PACRG: variants seen among roughly 807,000 people sequenced by gnomAD.
The protein encoded by PACRG is parkin coregulated.
PACRG carries 29 observed loss-of-function variants against 29.7 expected under a neutral mutation model. That is an observed-to-expected ratio of 0.98 (90% confidence interval 0.73 to 1.33). The LOEUF is 1.33. Ranked by LOEUF, PACRG falls within the 40% of genes most tolerant of loss-of-function variation. The pLI is 0.00. For synonymous variants in PACRG, 116 were observed against 118.7 expected, an observed-to-expected ratio of 0.98 and a Z score of 0.15; for missense variants, 279 against 316.2, an observed-to-expected ratio of 0.88 and a Z score of 0.89.
intron 4 of PACRG, among the ~76,000 whole-genome samples, chr6:163,291,764 G>A (rs1012077470): frequency 6.6e-6 from 1 of 152,232 alleles, no homozygotes; most frequent in Non-Finnish European, 1.5e-5. Flanking sequence ...CACCTTCACA[G>A]ATTTTCATAA....
chr6:163,116,389 C>T (rs73786979), intron 4 of PACRG, among the ~76,000 whole-genome samples: 3,648 of 152,204 alleles, frequency 0.024, 160 homozygotes, highest in African/African-American at 0.083. Flanking sequence ...CCAGGCCCCA[C>T]CTCCAACACT....
intron 4 of PACRG, among the ~76,000 whole-genome samples, chr6:163,296,844 G>A (rs1784795896): frequency 1.3e-5 from 2 of 152,110 alleles, no homozygotes. Flanking sequence ...ACTGATTTCT[G>A]TAAACAGCTT....
At chr6:162,763,351 A>G (rs117805554) in intron 1 of PACRG, among the ~76,000 whole-genome samples, 1,795 of 152,304 alleles carry the variant, frequency 0.012, 13 homozygotes, top group South Asian at 0.02. Flanking sequence ...CTGTCAGGTC[A>G]CCTGTCACAA....
chr6:163,163,726 G>GT (rs151011597), intron 4 of PACRG, among the ~76,000 whole-genome samples: 1,780 of 152,260 alleles, frequency 0.012, 37 homozygotes, highest in African/African-American at 0.04. Flanking sequence ...AAAGTGTTCA[G>GT]TAGCATATTA....
At chr6:162,826,466 CT>C (rs576332156) in intron 2 of PACRG, among the ~76,000 whole-genome samples, 160 of 138,608 alleles carry the variant, frequency 1.2e-3, no homozygotes, top group Non-Finnish European at 1.4e-3. Flanking sequence ...TTTCTTTTTT[CT>C]TTTTTTTTTT....
intron 4 of PACRG, among the ~76,000 whole-genome samples, chr6:163,175,174 C>A (rs538840059): frequency 6.6e-6 from 1 of 152,324 alleles, no homozygotes; most frequent in East Asian, 1.9e-4. Context: ...AAAGGGGGAA[C>A]TGGACTAGTA....
intron 4 of PACRG, among the ~76,000 whole-genome samples, chr6:163,210,113 A>G (rs1489147860): frequency 6.6e-6 from 1 of 152,312 alleles, no homozygotes; most frequent in African/African-American, 2.4e-5. Context: ...ACGCTTCCAC[A>G]TACTTTTAAA....
chr6:162,929,923 G>T (rs1255670543), intron 2 of PACRG, among the ~76,000 whole-genome samples: 1 of 151,822 alleles, frequency 6.6e-6, no homozygotes, highest in African/African-American at 2.4e-5. Flanking sequence ...TCTCTATTCT[G>T]TTTCATTGGT....
At chr6:162,799,878 A>G (rs1346079294) in intron 1 of PACRG, among the ~76,000 whole-genome samples, 2 of 152,204 alleles carry the variant, frequency 1.3e-5, no homozygotes, top group Non-Finnish European at 2.9e-5. Flanking sequence ...CAAGACACAG[A>G]AGATATATGT....
intron 4 of PACRG, among the ~76,000 whole-genome samples, chr6:163,092,411 C>G (rs185793203): frequency 3.3e-4 from 50 of 152,310 alleles, no homozygotes; most frequent in African/African-American, 1.0e-3. Flanking sequence ...GCCCCATCTA[C>G]ACGATCAGAG....
chr6:162,926,182 A>G (rs1487547554), intron 2 of PACRG, among the ~76,000 whole-genome samples: 2 of 152,182 alleles, frequency 1.3e-5, no homozygotes. Context: ...AATATATTCC[A>G]TCCTCATGGA....
At chr6:163,278,500 T>C (rs1784128042) in intron 4 of PACRG, among the ~76,000 whole-genome samples, 1 of 152,336 alleles carries the variant, frequency 6.6e-6, no homozygotes, top group East Asian at 1.9e-4. Context: ...CATCTTGAGT[T>C]GATTTTTGTA....
chr6:163,094,607 G>C (rs956716807), intron 4 of PACRG, among the ~76,000 whole-genome samples: 7 of 152,182 alleles, frequency 4.6e-5, no homozygotes, highest in Admixed American at 4.6e-4. Context: ...AAATGTTTGT[G>C]TTGGTCTTTC....
chr6:163,101,424 A>G, intron 4 of PACRG: 3 of 950,754 alleles, frequency 3.2e-6, no homozygotes, highest in Non-Finnish European at 3.8e-6. Context: ...ATATGTTTGT[A>G]TGAGTCTTTA....
At chr6:163,277,316 C>T (rs1213842344) in intron 4 of PACRG, among the ~76,000 whole-genome samples, 2 of 151,954 alleles carry the variant, frequency 1.3e-5, no homozygotes, top group African/African-American at 4.8e-5. Flanking sequence ...TTTGCGTCCT[C>T]ATAGTTTAGC....
intron 1 of PACRG, among the ~76,000 whole-genome samples, chr6:162,748,841 A>G (rs1781297568): frequency 6.6e-6 from 1 of 152,190 alleles, no homozygotes; most frequent in Non-Finnish European, 1.5e-5. Flanking sequence ...TAATTGAAGT[A>G]TCAACAATAA....
At chr6:163,230,771 G>T (rs1782006217) in intron 4 of PACRG, among the ~76,000 whole-genome samples, 1 of 152,104 alleles carries the variant, frequency 6.6e-6, no homozygotes, top group Admixed American at 6.5e-5. Flanking sequence ...AACTGCTGTA[G>T]GTGCAGAGTT....
At chr6:163,077,342 G>A (rs2761259) in intron 3 of PACRG, among the ~76,000 whole-genome samples, 8 of 151,816 alleles carry the variant, frequency 5.3e-5, no homozygotes, top group Non-Finnish European at 7.4e-5. Flanking sequence ...ACAAATAGAC[G>A]GGCCATAACA....
chr6:162,825,067 GT>G (rs900605601), intron 2 of PACRG, among the ~76,000 whole-genome samples: 11 of 151,906 alleles, frequency 7.2e-5, no homozygotes, highest in Non-Finnish European at 1.5e-4. Flanking sequence ...TTGTATTTCA[GT>G]TTTTTTAATT....
Sources: allele counts gnomAD v4.1 joint callset (sites outside exome capture counted in the v4.1 genomes callset), GRCh38; gene constraint gnomAD v4.1.1; transcripts MANE v1.5; gene names NCBI Gene and HGNC (gene_info 2026-07-23, HGNC 2026-07-21).